The following CDYL2 variants were observed in gnomAD, a reference collection of about 807,000 sequenced individuals.
CDYL2 encodes chromodomain Y like 2.
A neutral mutation model predicts 49.4 loss-of-function variants in CDYL2; 23 were observed. The ratio of observed to expected loss-of-function variants is 0.47; its 90% CI spans 0.34 to 0.66. CDYL2 has a LOEUF of 0.66. CDYL2 is among the 30% of genes least tolerant of loss of function. The probability of loss-of-function intolerance (pLI) is 0.01; values close to 1 mark genes in which losing one functional copy is unlikely to be tolerated. For synonymous variants in CDYL2, 360 were observed against 268.8 expected (o/e 1.34, Z -3.32); for missense variants, 678 against 656.4 (o/e 1.03, Z -0.36).
At chr16:80,671,915 T>C (rs745717464) in intron 2 of CDYL2, among the ~76,000 whole-genome samples, 5 of 152,226 alleles carry the variant, frequency 3.3e-5, no homozygotes, top group African/African-American at 1.2e-4. Context: ...AGACCTAACC[T>C]AAATGTCCAA....
At chr16:80,688,392 G>C (rs752544470) in intron 1 of CDYL2, among the ~76,000 whole-genome samples, 2 of 152,034 alleles carry the variant, frequency 1.3e-5, no homozygotes, top group African/African-American at 4.8e-5. Flanking sequence ...TCTGGCCTTG[G>C]TGTCCCCATC....
chr16:80,786,711 A>G (rs1907447438), intron 1 of CDYL2, among the ~76,000 whole-genome samples: 1 of 152,236 alleles, frequency 6.6e-6, no homozygotes, highest in Admixed American at 6.5e-5. Flanking sequence ...AAAATGTGGC[A>G]CATATACACC....
rs1002822049 is a variant in CDYL2, at chr16:80,612,425, T to C, written c.1218+201A>G. On this transcript the variant is annotated intron_variant, in intron 5 of 6. Transcript: ENST00000570137. This position sits in a 1 kb window ranked among gnomAD's most constrained non-coding sequence, Gnocchi z 5.0. ...TAATTGAGACGCCATGCAGAGTGCA[T>C]GGTCCATACACTGACATCATCGCCA... Among the ~76,000 whole-genome samples the C allele has an allele frequency of 6.6e-6, 1 of 152,130 alleles. No homozygotes were observed. Among genetic ancestry groups the C allele is most frequent in the Admixed American group, 6.5e-5 (1 of 15,274 alleles).
At chr16:80,608,274 G>C in intron 5 of CDYL2, 39 bp from the exon 6 acceptor site, 1 of 1,524,252 alleles carries the variant, frequency 6.6e-7, no homozygotes, top group Non-Finnish European at 8.8e-7. Flanking sequence ...AGGGCCTGGA[G>C]GTCCACCCAT....
intron 2 of CDYL2, among the ~76,000 whole-genome samples, chr16:80,683,177 C>A (rs987697533): frequency 1.3e-5 from 2 of 152,254 alleles, no homozygotes; most frequent in Non-Finnish European, 2.9e-5. Context: ...CCGGTCTCCA[C>A]ACGCACCCTG....
At chr16:80,649,505 T>C (rs1908494478) in intron 2 of CDYL2, among the ~76,000 whole-genome samples, 1 of 152,042 alleles carries the variant, frequency 6.6e-6, no homozygotes, top group Non-Finnish European at 1.5e-5. Context: ...AAACTATTCA[T>C]GGATTTAAAG....
rs187198314 is a variant in CDYL2, at chr16:80,761,097, C to T, written c.24+43053G>A. On this transcript the variant is annotated intron_variant, in intron 1 of 6. Coordinates refer to ENST00000570137, the MANE Select transcript of CDYL2 (RefSeq NM_152342.4). The stretch of plus-strand genomic sequence containing the variant: ...CCACAAAGGAGAGAGGGTACAAGGA[C>T]GCCAGCATCACCTGGCTGGGGGGAG... Among the ~76,000 whole-genome samples, 76 of 152,264 alleles carry T rather than the reference C, an allele frequency of 5.0e-4. No individual in the cohort carries two copies. In the Middle Eastern group the frequency reaches 0.01, roughly 20 times the overall value.
intron 3 of CDYL2, among the ~76,000 whole-genome samples, chr16:80,622,444 T>G (rs1390967755): frequency 6.6e-6 from 1 of 152,122 alleles, no homozygotes; most frequent in East Asian, 1.9e-4. Flanking sequence ...CCATTTGTTT[T>G]CTTCATTTAT....
rs375318589 is a variant in CDYL2 at position 80,766,171 on chromosome 16, T to A, written c.24+37979A>T. On this transcript the variant is annotated intron_variant, in intron 1 of 6. Coordinates refer to ENST00000570137, the MANE Select transcript of CDYL2 (RefSeq NM_152342.4). ...ATGATGACCACTGTTCCAAAACTGATTACGATAATGGCTGCACAACTCTGT... is the reference window on the plus strand; with the variant it reads ...ATGATGACCACTGTTCCAAAACTGAATACGATAATGGCTGCACAACTCTGT... Among the ~76,000 whole-genome samples, 66 of 152,034 alleles carry A rather than the reference T, an allele frequency of 4.3e-4. No homozygotes were observed. In the Middle Eastern group the frequency reaches 0.01, roughly 24 times the overall value.
chr16:80,789,505 C>G (rs1371632999), intron 1 of CDYL2, among the ~76,000 whole-genome samples: 1 of 151,912 alleles, frequency 6.6e-6, no homozygotes, highest in African/African-American at 2.4e-5. Context: ...GAGGCTGAGG[C>G]AGAAGAATCA....
chr16:80,758,906 G>C (rs1906414628), intron 1 of CDYL2, among the ~76,000 whole-genome samples: 1 of 151,690 alleles, frequency 6.6e-6, no homozygotes, highest in African/African-American at 2.4e-5. Context: ...GACTGGTTAA[G>C]GAAATCACAG....
intron 2 of CDYL2, among the ~76,000 whole-genome samples, chr16:80,643,232 C>G (rs1239758832): frequency 6.6e-6 from 1 of 152,176 alleles, no homozygotes; most frequent in Non-Finnish European, 1.5e-5. Context: ...AAAATGATCT[C>G]CTTTGACTCC....
chr16:80,763,377 G>A (rs1050778739), intron 1 of CDYL2, among the ~76,000 whole-genome samples: 5 of 1,612 alleles, frequency 3.1e-3, no homozygotes, highest in African/African-American at 0.012. Flanking sequence ...TTGGAAGGCC[G>A]AGGCGGGCAG....
chr16:80,787,230 T>C (rs538555461), intron 1 of CDYL2, among the ~76,000 whole-genome samples: 3 of 152,122 alleles, frequency 2.0e-5, no homozygotes, highest in South Asian at 4.1e-4. Context: ...GTGCCTTGAA[T>C]GGCAGCAGGG....
In CDYL2 at chr16:80,728,965, A is replaced by T. The variant is rs1905246080; in HGVS notation, c.25-43836T>A. Among the ~76,000 whole-genome samples the T allele has an allele frequency of 2.6e-5, 4 of 151,992 alleles. No individual in the cohort carries two copies. The South Asian group carries it at 8.3e-4, about 32-fold the overall frequency. ...TCCTGAAGGAAGCGCTAAACATGGAAAGGAACAACCGGTACCAGCCACTGC... is the reference window on the plus strand; with the variant it reads ...TCCTGAAGGAAGCGCTAAACATGGATAGGAACAACCGGTACCAGCCACTGC... On this transcript the variant is annotated intron_variant, in intron 1 of 6. Coordinates refer to ENST00000570137, the MANE Select transcript of CDYL2 (RefSeq NM_152342.4).
At chr16:80,623,557 C>A (rs931086838) in intron 3 of CDYL2, among the ~76,000 whole-genome samples, 1 of 152,226 alleles carries the variant, frequency 6.6e-6, no homozygotes, top group Admixed American at 6.5e-5. Flanking sequence ...TCTTGGACCC[C>A]AGCCCAGACC....
chr16:80,804,141 TC>T lies in CDYL2; in HGVS notation c.24+8del. The T allele has an allele frequency of 8.2e-7, 1 of 1,214,460 alleles. No homozygotes were observed. Among genetic ancestry groups the T allele is most frequent in the Non-Finnish European group, 1.1e-6 (1 of 946,482 alleles). The allele number at this position is 1,214,460 out of a possible 1,614,324, so 75.2% of individuals were successfully genotyped here. ...ACTGGGGCCGGCCCGCGCCCCCGCGTCCCCGTACCTCGTAAAGGTCCCCAGA... is the reference window on the plus strand; with the variant it reads ...ACTGGGGCCGGCCCGCGCCCCCGCGTCCCGTACCTCGTAAAGGTCCCCAGA... On this transcript the variant is annotated splice_region_variant and intron_variant, in intron 1 of 6. Transcript: ENST00000570137.
chr16:80,601,405 C>T lies in CDYL2; in HGVS notation c.*2983G>A, dbSNP rs544421284. ...TTCAAACCCAAAGGTAATTGCAGGA[C>T]GGGGCTGCCAAAATGAGCCGCAATT... is the stretch of plus-strand genomic sequence containing the variant. On this transcript the variant is annotated 3_prime_UTR_variant, in exon 7 of 7. Coordinates refer to ENST00000570137, the MANE Select transcript of CDYL2 (RefSeq NM_152342.4). The T allele has an allele frequency of 1.3e-5, 2 of 152,210 alleles. No homozygotes were observed. The highest frequency in any genetic ancestry group is 2.1e-4 in the South Asian group (1 of 4,818). The allele number at this position is 152,210 out of a possible 1,614,324, so 9.4% of individuals were successfully genotyped here. A position where few individuals can be genotyped will look rare whatever the true frequency, so the allele number is the denominator to read the frequency against.
chr16:80,771,741 T>C (rs1036303281), intron 1 of CDYL2, among the ~76,000 whole-genome samples: 1 of 149,540 alleles, frequency 6.7e-6, no homozygotes, highest in African/African-American at 2.5e-5. Context: ...AAAAAAAAAA[T>C]GAAAACTAAA....
Sources: allele counts gnomAD v4.1 joint callset (sites outside exome capture counted in the v4.1 genomes callset), GRCh38; gene constraint gnomAD v4.1.1; non-coding constraint Gnocchi (gnomAD v3.1); transcripts MANE v1.5; gene names NCBI Gene and HGNC (gene_info 2026-07-23, HGNC 2026-07-21).